TP53BP2: variants seen among roughly 807,000 people sequenced by gnomAD.
TP53BP2 encodes the protein apoptosis-stimulating of p53 protein 2.
Under a neutral mutation model 126.2 loss-of-function variants are expected in TP53BP2, and 62 were observed. That is an observed-to-expected ratio of 0.49 (90% CI 0.40 to 0.61). TP53BP2 has a LOEUF of 0.61. Ranked by LOEUF, TP53BP2 falls within the 20% of genes least tolerant of loss-of-function variation. The pLI is 0.00. For synonymous variants in TP53BP2, 485 were observed against 502.9 expected, an observed-to-expected ratio of 0.96 and a Z score of 0.48; for missense variants, 1,215 against 1,402.8, an observed-to-expected ratio of 0.87 and a Z score of 2.14.
chr1:223,812,412 C>T (rs183122774), intron 3 of TP53BP2, among the ~76,000 whole-genome samples: 34 of 152,256 alleles, frequency 2.2e-4, no homozygotes, highest in Middle Eastern at 3.4e-3. Flanking sequence ...GACGGAGTCT[C>T]GCTCTGTCGC....
chr1:223,804,073 C>T, intron 6 of TP53BP2, 101 bp downstream of exon 6: 1 of 1,286,682 alleles, frequency 7.8e-7, no homozygotes, highest in East Asian at 2.3e-5. Flanking sequence ...CACTTGAGGC[C>T]ACGGTTCAAA....
chr1:223,816,094 C>G (rs1440442744), intron 2 of TP53BP2, among the ~76,000 whole-genome samples: 1 of 152,178 alleles, frequency 6.6e-6, no homozygotes, highest in East Asian at 1.9e-4. Context: ...TTCATCATCT[C>G]CCCCAGCACC....
At chr1:223,845,528 C>T (rs1431224830) in intron 1 of TP53BP2, 126 bp downstream of exon 1, 1 of 1,090,902 alleles carries the variant, frequency 9.2e-7, no homozygotes, top group South Asian at 2.0e-5. Flanking sequence ...TCGGAAAGCC[C>T]CGGCCCCTCC....
Position 223,793,281 on chromosome 1 carries a change from AAT to A in TP53BP2, c.2862+20_2862+21del. On this transcript the variant is annotated intron_variant, in intron 14 of 17. Coordinates refer to ENST00000343537, the MANE Select transcript of TP53BP2 (RefSeq NM_001031685.3). Reference sequence around the variant, plus strand: ...AGCGAGACTCTGACTCAAAAAAAAAAATTTACTAATTATAATCATACCTCATA... The same window carrying A: ...AGCGAGACTCTGACTCAAAAAAAAAATTACTAATTATAATCATACCTCATA... 1 of 1,525,184 alleles carries A rather than the reference AAT, an allele frequency of 6.6e-7. No homozygotes were observed. The highest frequency in any genetic ancestry group is 2.3e-5 in the Admixed American group (1 of 44,306). 94.5% of individuals were successfully genotyped at this position (1,525,184 alleles called of 1,614,324 possible).
chr1:223,840,173 T>G (rs1259281713), intron 1 of TP53BP2, among the ~76,000 whole-genome samples: 1 of 152,226 alleles, frequency 6.6e-6, no homozygotes, highest in Non-Finnish European at 1.5e-5. Context: ...TGCAAAGTGT[T>G]TTAAGAAATC....
In TP53BP2 at chr1:223,802,775, G is replaced by A. The variant is rs1444792984; in HGVS notation, c.952C>T (p.Leu318=). 6.2e-7 allele frequency: 1 copy of A among 1,613,988 alleles called. No homozygotes were observed. Among genetic ancestry groups the A allele is most frequent in the Non-Finnish European group, 8.5e-7 (1 of 1,180,008 alleles). The change falls in exon 8 of 18, where the codon CTG becomes TTG. Residue 318 remains leucine, a synonymous_variant. Coordinates refer to ENST00000343537, the MANE Select transcript of TP53BP2 (RefSeq NM_001031685.3). ...TGTAGAGCTGCCTTCTTCTTCCACA[G>A]CCGGTCCCTCAGCTCATTAACACGC... The part of the protein sequence containing the change: ...DKRVNELRDR[L]WKKKAALQQK...
chr1:223,845,816 G>A lies in TP53BP2; in HGVS notation c.-136C>T, dbSNP rs1486469037. ...CGGCGGCGGCAGCGGCGGCGCGCGG[G>A]TCCGAAGGGCCCTCCGCGCGGGCTG... On this transcript the variant is annotated 5_prime_UTR_variant, in exon 1 of 18. Transcript: ENST00000343537. 1 of 735,174 alleles carries A rather than the reference G, an allele frequency of 1.4e-6. No homozygotes were observed. The highest frequency in any genetic ancestry group is 1.8e-6 in the Non-Finnish European group (1 of 550,594). The allele number at this position is 735,174 out of a possible 1,614,324, so 45.5% of individuals were successfully genotyped here.
At position 223,823,876 on chromosome 1, in the gene TP53BP2, T is replaced by C. The variant is rs185554242; in HGVS notation, c.28-2509A>G. Among the ~76,000 whole-genome samples, 125 of 152,328 alleles carry C rather than the reference T, an allele frequency of 8.2e-4. 2 individuals carry two copies. Among genetic ancestry groups the C allele is most frequent in the Admixed American group, 8.1e-3 (124 of 15,306 alleles). On this transcript the variant is annotated intron_variant, in intron 1 of 17. Coordinates refer to ENST00000343537, the MANE Select transcript of TP53BP2 (RefSeq NM_001031685.3). The stretch of plus-strand genomic sequence containing the variant: ...AAATAGTAACTTTTCATTGTAAATA[T>C]GAAGCTTAGAGGTGTTAAGTTACAG...
intron 1 of TP53BP2, among the ~76,000 whole-genome samples, chr1:223,831,361 A>G (rs6604726): frequency 0.26 from 37,877 of 143,176 alleles, 6,925 homozygotes; most frequent in African/African-American, 0.52. Flanking sequence ...TCATGCCACT[A>G]CACTCCAGCT....
At position 223,784,022 on chromosome 1, in the gene TP53BP2, C is replaced by A. The variant is rs1353093276; in HGVS notation, c.3363+93G>T. 16 of 1,038,358 alleles carry A rather than the reference C, an allele frequency of 1.5e-5. No individual in the cohort carries two copies. In the East Asian group the frequency reaches 3.1e-4, roughly 20 times the overall value. 64.3% of individuals were successfully genotyped at this position (1,038,358 alleles called of 1,614,324 possible). A position where few individuals can be genotyped will look rare whatever the true frequency, so the allele number is the denominator to read the frequency against. On this transcript the variant is annotated intron_variant, in intron 17 of 17. Coordinates refer to ENST00000343537, the MANE Select transcript of TP53BP2 (RefSeq NM_001031685.3). ...AATTCCATGTCTTATTAACAAAGGG[C>A]AGTTTGGTGCACTGTACACATAACA...
chr1:223,808,691 A>G (rs1477794923), intron 4 of TP53BP2, among the ~76,000 whole-genome samples: 1 of 151,826 alleles, frequency 6.6e-6, no homozygotes, highest in African/African-American at 2.4e-5. Flanking sequence ...GGGTTGGGCA[A>G]AGAGTTCTTA....
intron 1 of TP53BP2, among the ~76,000 whole-genome samples, chr1:223,837,971 G>C (rs1168867614): frequency 8.6e-6 from 1 of 116,710 alleles, no homozygotes; most frequent in African/African-American, 3.3e-5. Flanking sequence ...GCTTCCTCCC[G>C]GCCTCTGCAC....
chr1:223,826,627 T>C (rs945125285), intron 1 of TP53BP2, among the ~76,000 whole-genome samples: 1 of 152,224 alleles, frequency 6.6e-6, no homozygotes, highest in Non-Finnish European at 1.5e-5. Context: ...TTACACAACA[T>C]TGTGAATACA....
intron 9 of TP53BP2, among the ~76,000 whole-genome samples, chr1:223,801,609 C>T (rs1173457219): frequency 1.3e-5 from 2 of 152,184 alleles, no homozygotes; most frequent in African/African-American, 2.4e-5. Context: ...ATCACTAACA[C>T]AAGGAGCCTC....
chr1:223,805,527 T>G (rs528289433), intron 5 of TP53BP2, among the ~76,000 whole-genome samples: 1 of 152,166 alleles, frequency 6.6e-6, no homozygotes, highest in Non-Finnish European at 1.5e-5. Context: ...TTGGAAAAAC[T>G]GGGGTCTGGT....
In TP53BP2 at chr1:223,791,607, C is replaced by T. The variant is rs370886984; in HGVS notation, c.2996+782G>A. Among the ~76,000 whole-genome samples the T allele has an allele frequency of 4.6e-5, 7 of 152,064 alleles. No individual in the cohort carries two copies. The East Asian group carries it at 7.7e-4, about 17-fold the overall frequency. ...TGTGTATGCAATTTATATATGCATA[C>T]ATGAGAATTTTATATGGTAACTATT... On this transcript the variant is annotated intron_variant, in intron 15 of 17. Transcript: ENST00000343537.
At chr1:223,812,987 C>T (rs956345049) in intron 3 of TP53BP2, among the ~76,000 whole-genome samples, 2 of 152,184 alleles carry the variant, frequency 1.3e-5, no homozygotes, top group East Asian at 1.9e-4. Context: ...CATGAGCCAC[C>T]GCGCTCAGCC....
At chr1:223,781,409 A>C in intron 17 of TP53BP2, among the ~76,000 whole-genome samples, 1 of 152,230 alleles carries the variant, frequency 6.6e-6, no homozygotes, top group East Asian at 1.9e-4. Context: ...GATTAGGTGG[A>C]GTTTTTTGCT....
chr1:223,798,039 T>C (rs1662392730), intron 12 of TP53BP2, among the ~76,000 whole-genome samples, 176 bp downstream of exon 12: 1 of 152,076 alleles, frequency 6.6e-6, no homozygotes, highest in Admixed American at 6.6e-5. Flanking sequence ...CCTACTACTG[T>C]AGGAGCAGAC....
Sources: gnomAD v4.1 joint callset for allele counts (sites outside exome capture counted in the v4.1 genomes callset) on GRCh38, gnomAD v4.1.1 for gene constraint, MANE v1.5 for transcripts, NCBI Gene and HGNC (gene_info 2026-07-23, HGNC 2026-07-21) for gene names.